LHX8: variants seen among roughly 807,000 people sequenced by gnomAD.
The protein encoded by LHX8 is LIM homeobox 8.
LHX8 carries 12 observed loss-of-function variants against 40.3 expected under a neutral mutation model. That is an observed-to-expected ratio of 0.30 (90% CI 0.19 to 0.48). The LOEUF is 0.48. Ranked by LOEUF, LHX8 falls within the 20% of genes least tolerant of loss-of-function variation. The probability of loss-of-function intolerance (pLI) is 0.99; values close to 1 mark genes in which losing one functional copy is unlikely to be tolerated. For missense variants in LHX8, 344 were observed against 433.7 expected, an observed-to-expected ratio of 0.79 and a Z score of 1.84; for synonymous variants, 179 against 162.0, an observed-to-expected ratio of 1.10 and a Z score of -0.80.
At chr1:75,172,827 GC>G in the LHX8 span, among the ~76,000 whole-genome samples, 227 of 152,138 alleles carry the variant, frequency 1.5e-3, 1 homozygote, top group African/African-American at 5.2e-3. Context: ...TCGTGTTTGG[GC>G]CCCCTGCCTG....
chr1:75,193,298 C>G, the LHX8 span, among the ~76,000 whole-genome samples: 1 of 152,154 alleles, frequency 6.6e-6, no homozygotes, highest in Non-Finnish European at 1.5e-5. Flanking sequence ...TCTCCTGTCT[C>G]CTCTCTGCCA....
chr1:75,136,529 C>G (rs140903812), intron 1 of LHX8, 74 bp from the exon 2 acceptor site: 161 of 1,140,958 alleles, frequency 1.4e-4, no homozygotes, highest in Middle Eastern at 5.8e-4. Context: ...CTCCCCGCGC[C>G]GAGGCTGGGG....
chr1:75,188,554 C>G, the LHX8 span, among the ~76,000 whole-genome samples: 2 of 152,140 alleles, frequency 1.3e-5, no homozygotes, highest in Non-Finnish European at 1.5e-5. Flanking sequence ...CTTGGGCTCC[C>G]TCCCTTGGAA....
the LHX8 span, among the ~76,000 whole-genome samples, chr1:75,195,432 T>C: frequency 1.3e-5 from 2 of 152,154 alleles, no homozygotes; most frequent in Non-Finnish European, 2.9e-5. Context: ...CTTAGGTGAA[T>C]GGATGAGGAT....
the LHX8 span, among the ~76,000 whole-genome samples, chr1:75,183,716 A>G: frequency 5.6e-4 from 85 of 152,324 alleles, 1 homozygote; most frequent in African/African-American, 1.9e-3. Context: ...CAACCACACA[A>G]ACAAGCCAGC....
At chr1:75,184,113 C>T in the LHX8 span, among the ~76,000 whole-genome samples, 1 of 152,160 alleles carries the variant, frequency 6.6e-6, no homozygotes, top group Admixed American at 6.5e-5. Context: ...AACAGAAGCA[C>T]CCAGATTCAT....
upstream of LHX8, chr1:75,130,769 TA>T: frequency 6.2e-7 from 1 of 1,606,446 alleles, no homozygotes; most frequent in Non-Finnish European, 8.5e-7. Flanking sequence ...AGCAATCTCC[TA>T]AAGTCTTTTT....
At chr1:75,155,843 C>T (rs1470288445) in intron 7 of LHX8, among the ~76,000 whole-genome samples, 1 of 152,096 alleles carries the variant, frequency 6.6e-6, no homozygotes, top group Non-Finnish European at 1.5e-5. Flanking sequence ...CCTATGTATT[C>T]ACCAAGAGAA....
the LHX8 span, among the ~76,000 whole-genome samples, chr1:75,177,927 G>C: frequency 6.6e-6 from 1 of 152,158 alleles, no homozygotes; most frequent in South Asian, 2.1e-4. Context: ...CATCTATTGA[G>C]ATAATCATGT....
the LHX8 span, among the ~76,000 whole-genome samples, chr1:75,171,415 TTTA>T: frequency 1.6e-4 from 24 of 150,244 alleles, no homozygotes; most frequent in Admixed American, 6.0e-4. Flanking sequence ...GGGCCAAATT[TTTA>T]TTATTATTAT....
downstream of LHX8, among the ~76,000 whole-genome samples, chr1:75,164,351 A>G (rs564534204): frequency 6.6e-6 from 1 of 152,324 alleles, no homozygotes; most frequent in African/African-American, 2.4e-5. Context: ...TTAGCAGCTC[A>G]GTGATTCCAG....
chr1:75,152,205 A>C (rs1368601402), intron 7 of LHX8, among the ~76,000 whole-genome samples: 2 of 152,192 alleles, frequency 1.3e-5, no homozygotes, highest in African/African-American at 2.4e-5. Flanking sequence ...GACTTCTTCT[A>C]ATATGCAAAC....
At chr1:75,186,599 T>C in the LHX8 span, among the ~76,000 whole-genome samples, 1 of 152,178 alleles carries the variant, frequency 6.6e-6, no homozygotes, top group Non-Finnish European at 1.5e-5. Flanking sequence ...GGAAATGGTT[T>C]GCGAGGACAT....
At chr1:75,144,014 C>G (rs1166825919) in intron 6 of LHX8, 66 bp downstream of exon 6, 4 of 1,179,964 alleles carry the variant, frequency 3.4e-6, no homozygotes, top group Non-Finnish European at 5.0e-6. Context: ...AAAGTAACCT[C>G]CATGCTGCCC....
the LHX8 span, among the ~76,000 whole-genome samples, chr1:75,181,538 G>A: frequency 6.6e-6 from 1 of 152,224 alleles, no homozygotes; most frequent in Non-Finnish European, 1.5e-5. Flanking sequence ...TGTGCCATTT[G>A]CTAAGACCAT....
chr1:75,171,710 G>A, the LHX8 span, among the ~76,000 whole-genome samples: 6 of 152,234 alleles, frequency 3.9e-5, no homozygotes, highest in East Asian at 1.2e-3. Flanking sequence ...GGGGTGAGCA[G>A]GAAGGTAACA....
At chr1:75,157,121 A>G in intron 8 of LHX8, 45 bp downstream of exon 8, 4 of 1,558,642 alleles carry the variant, frequency 2.6e-6, no homozygotes, top group Non-Finnish European at 3.5e-6. Flanking sequence ...GCAATCAGCA[A>G]CTGGTAACTT....
intron 6 of LHX8, 139 bp downstream of exon 6, chr1:75,144,087 AT>A (rs1465250631): frequency 1.4e-6 from 1 of 690,688 alleles, no homozygotes; most frequent in Non-Finnish European, 2.6e-6. Flanking sequence ...AATTTGGTGA[AT>A]ATATGAAAAC....
Position 75,137,195 on chromosome 1 carries a change from C to T in LHX8, c.171C>T (p.Gly57=). The change falls in exon 3 of 9, where the codon GGC becomes GGT. Residue 57 remains glycine, a synonymous_variant. Transcript: ENST00000356261. ...CCCGGTCCATGGCCTCGGGCTCCGGCTGCCCTCCTGGCAAGTGTGTGTGCA... is the reference window on the plus strand; with the variant it reads ...CCCGGTCCATGGCCTCGGGCTCCGGTTGCCCTCCTGGCAAGTGTGTGTGCA... ...SSPRSMASGS[G]CPPGKCVCNS... is the part of the protein sequence containing the mutation. 1.2e-6 allele frequency: 2 copies of T among 1,613,582 alleles called. No homozygotes were observed. Among genetic ancestry groups the T allele is most frequent in the Non-Finnish European group, 1.7e-6 (2 of 1,179,970 alleles).
Sources: gnomAD v4.1 joint callset for allele counts (sites outside exome capture counted in the v4.1 genomes callset) on GRCh38, gnomAD v4.1.1 for gene constraint, MANE v1.5 for transcripts, NCBI Gene and HGNC (gene_info 2026-07-23, HGNC 2026-07-21) for gene names.